The following AP1S3 variants were observed in gnomAD, a reference collection of about 807,000 sequenced individuals.
AP1S3 encodes adaptor related protein complex 1 subunit sigma 3.
A neutral mutation model predicts 20.9 loss-of-function variants in AP1S3; 10 were observed. That is an observed-to-expected ratio of 0.48 (90% CI 0.29 to 0.81). The LOEUF (loss-of-function observed/expected upper bound fraction) is 0.81, where lower values mean the gene tolerates loss of function less well. AP1S3 is among the 30% of genes least tolerant of loss of function. AP1S3 has a pLI of 0.08. For missense variants in AP1S3, 154 were observed against 183.8 expected (o/e 0.84, Z 0.94); for synonymous variants, 41 against 61.5 (o/e 0.67, Z 1.56).
chr2:223,764,246 C>A (rs985406745), intron 4 of AP1S3, among the ~76,000 whole-genome samples: 13 of 152,120 alleles, frequency 8.5e-5, no homozygotes, highest in African/African-American at 3.1e-4. Flanking sequence ...AGGTGCTTTA[C>A]AATGCTCTGG....
At chr2:223,826,455 T>C (rs1553526839) in intron 1 of AP1S3, among the ~76,000 whole-genome samples, 1 of 152,040 alleles carries the variant, frequency 6.6e-6, no homozygotes, top group Non-Finnish European at 1.5e-5. Context: ...TAGCTGAGCA[T>C]AGTGGTGTGC....
rs1404830561 is a variant in AP1S3, at chr2:223,758,039, C to A, written c.*676G>T. 1.6e-5 allele frequency: 16 copies of A among 978,456 alleles called. No homozygotes were observed. The highest frequency in any genetic ancestry group is 1.7e-5 in the Non-Finnish European group (14 of 823,862). 60.6% of individuals were successfully genotyped at this position (978,456 alleles called of 1,614,324 possible). A position where few individuals can be genotyped will look rare whatever the true frequency, so the allele number is the denominator to read the frequency against. On this transcript the variant is annotated 3_prime_UTR_variant, in exon 5 of 5. Coordinates refer to ENST00000396654, the MANE Select transcript of AP1S3 (RefSeq NM_001039569.2). ...ACCTTATTGGAATGTCCCTTATATTCAATTAAAAGATAAATTAAAACCTCA... is the reference window on the plus strand; with the variant it reads ...ACCTTATTGGAATGTCCCTTATATTAAATTAAAAGATAAATTAAAACCTCA...
chr2:223,828,073 A>G (rs1692174766), intron 1 of AP1S3, among the ~76,000 whole-genome samples: 1 of 39,120 alleles, frequency 2.6e-5, no homozygotes, highest in African/African-American at 8.9e-5. Flanking sequence ...AAAAAAAAAA[A>G]AAAAAAAAAA....
Position 223,757,829 on chromosome 2 carries a change from T to C in AP1S3, c.*886A>G. On this transcript the variant is annotated 3_prime_UTR_variant, in exon 5 of 5. Transcript: ENST00000396654. ...AGTCTTCAAATGCATTAGAGATACA[T>C]TAAAACATATTTGAAATGAAATTTC... The C allele has an allele frequency of 1.0e-6, 1 of 985,272 alleles. No individual in the cohort carries two copies. The highest frequency in any genetic ancestry group is 4.7e-5 in the South Asian group (1 of 21,280). 61.0% of individuals were successfully genotyped at this position (985,272 alleles called of 1,614,324 possible).
intron 1 of AP1S3, among the ~76,000 whole-genome samples, chr2:223,803,654 C>T (rs1292567359): frequency 3.3e-5 from 5 of 151,554 alleles, no homozygotes; most frequent in East Asian, 1.9e-4. Context: ...CTGAGGTGGG[C>T]GAATCATGAA....
At chr2:223,769,614 G>GCGTTTT (rs376277776) in intron 3 of AP1S3, among the ~76,000 whole-genome samples, 99,083 of 151,606 alleles carry the variant, frequency 0.65, 33,255 homozygotes, top group East Asian at 0.81. Flanking sequence ...ATATGTTTCA[G>GCGTTTT]CTATGTAGAA....
At chr2:223,779,310 A>C (rs1367711520) in intron 1 of AP1S3, among the ~76,000 whole-genome samples, 1 of 151,528 alleles carries the variant, frequency 6.6e-6, no homozygotes, top group Non-Finnish European at 1.5e-5. Context: ...TTGGGAGGCC[A>C]AGGCGGGATA....
intron 1 of AP1S3, among the ~76,000 whole-genome samples, chr2:223,827,334 A>C (rs190522360): frequency 6.6e-6 from 1 of 152,278 alleles, no homozygotes; most frequent in Non-Finnish European, 1.5e-5. Flanking sequence ...AAAAAATGTG[A>C]TATTACTGTA....
At chr2:223,782,244 C>T (rs1461660663) in intron 1 of AP1S3, among the ~76,000 whole-genome samples, 2 of 152,146 alleles carry the variant, frequency 1.3e-5, no homozygotes, top group African/African-American at 4.8e-5. Context: ...AACTCCTGAC[C>T]TCACGTGATT....
chr2:223,762,268 A>ATTTTT lies in AP1S3; in HGVS notation c.429+2940_429+2944dup, dbSNP rs57119521. On this transcript the variant is annotated intron_variant, in intron 4 of 4. Coordinates refer to ENST00000396654, the MANE Select transcript of AP1S3 (RefSeq NM_001039569.2). Reference sequence around the variant, plus strand: ...TAGGCATGAGCCATTGTGCCCAGCAATTTTTTTTTTTTTTTTTTTTTTGAG... The same window carrying ATTTTT: ...TAGGCATGAGCCATTGTGCCCAGCAATTTTTTTTTTTTTTTTTTTTTTTTTTTGAG... Among the ~76,000 whole-genome samples, 7 of 105,190 alleles carry ATTTTT rather than the reference A, an allele frequency of 6.7e-5. 1 individual carries two copies. The highest frequency in any genetic ancestry group is 7.4e-5 in the Non-Finnish European group (4 of 53,936). 69.0% of individuals were successfully genotyped at this position (105,190 alleles called of 152,430 possible). A position where few individuals can be genotyped will look rare whatever the true frequency, so the allele number is the denominator to read the frequency against.
At chr2:223,805,810 T>C (rs1367402922) in intron 1 of AP1S3, among the ~76,000 whole-genome samples, 2 of 152,238 alleles carry the variant, frequency 1.3e-5, no homozygotes, top group East Asian at 3.8e-4. Context: ...GTATTATACA[T>C]AATTATAATT....
chr2:223,761,260 A>G (rs1288660968), intron 4 of AP1S3, among the ~76,000 whole-genome samples: 1 of 152,188 alleles, frequency 6.6e-6, no homozygotes, highest in Non-Finnish European at 1.5e-5. Context: ...TTTCTTATGC[A>G]TATAGCACAG....
chr2:223,826,371 T>C (rs1178997035), intron 1 of AP1S3, among the ~76,000 whole-genome samples: 1 of 152,080 alleles, frequency 6.6e-6, no homozygotes, highest in African/African-American at 2.4e-5. Context: ...GGCGGGCAGA[T>C]CACTTGAGGT....
At chr2:223,836,652 AT>A (rs1692401786) in intron 1 of AP1S3, among the ~76,000 whole-genome samples, 1 of 152,198 alleles carries the variant, frequency 6.6e-6, no homozygotes, top group Non-Finnish European at 1.5e-5. Context: ...AGGCAGGAGA[AT>A]CGCTTGAACC....
At position 223,757,213 on chromosome 2, in the gene AP1S3, G is replaced by C. The variant is rs868326798; in HGVS notation, c.*1502C>G. 4.1e-4 allele frequency: 68 copies of C among 166,350 alleles called. 1 individual carries two copies. The highest frequency in any genetic ancestry group is 5.9e-3 in the Middle Eastern group (2 of 340). 10.3% of individuals were successfully genotyped at this position (166,350 alleles called of 1,614,324 possible). ...CTGTCGCCCAGGCTGGAGTGCAGTGGCACAATCTCAGCTCACTGCAACTTC... is the reference window on the plus strand; with the variant it reads ...CTGTCGCCCAGGCTGGAGTGCAGTGCCACAATCTCAGCTCACTGCAACTTC... On this transcript the variant is annotated 3_prime_UTR_variant, in exon 5 of 5. Coordinates refer to ENST00000396654, the MANE Select transcript of AP1S3 (RefSeq NM_001039569.2).
chr2:223,823,440 C>T (rs1162038521), intron 1 of AP1S3, among the ~76,000 whole-genome samples: 4 of 152,120 alleles, frequency 2.6e-5, no homozygotes, highest in Non-Finnish European at 5.9e-5. Context: ...TTTGTGAGAA[C>T]ATGGATGAAC....
At chr2:223,796,202 T>C (rs558657580) in intron 1 of AP1S3, among the ~76,000 whole-genome samples, 5 of 152,250 alleles carry the variant, frequency 3.3e-5, no homozygotes, top group Non-Finnish European at 5.9e-5. Flanking sequence ...AAATAAATTA[T>C]CCAGGGGCCA....
chr2:223,822,528 T>C (rs549768188), intron 1 of AP1S3, among the ~76,000 whole-genome samples: 109 of 151,616 alleles, frequency 7.2e-4, no homozygotes, highest in Non-Finnish European at 1.3e-3. Flanking sequence ...CTACTAAAAA[T>C]ACAAAATTAG....
intron 3 of AP1S3, among the ~76,000 whole-genome samples, chr2:223,768,016 C>T (rs946963304): frequency 6.6e-6 from 1 of 152,138 alleles, no homozygotes; most frequent in Non-Finnish European, 1.5e-5. Context: ...TTCCAGGTGG[C>T]GGTTGTGCCT....
Sources: gnomAD v4.1 joint callset for allele counts (sites outside exome capture counted in the v4.1 genomes callset) on GRCh38, gnomAD v4.1.1 for gene constraint, MANE v1.5 for transcripts, NCBI Gene and HGNC (gene_info 2026-07-23, HGNC 2026-07-21) for gene names.